Variants in DCAF1 observed in about 807,000 individuals in gnomAD.
DCAF1 encodes DDB1- and CUL4-associated factor 1.
DCAF1 carries 15 observed loss-of-function variants against 128.0 expected under a neutral mutation model. The observed-to-expected ratio is 0.12, with a 90% CI of 0.08 to 0.18. DCAF1 has a LOEUF of 0.18. DCAF1 is among the 10% of genes least tolerant of loss of function. The pLI is 1.00. For missense variants in DCAF1, 988 were observed against 1,649.5 expected, an observed-to-expected ratio of 0.60 and a Z score of 6.95; for synonymous variants, 610 against 603.0, an observed-to-expected ratio of 1.01 and a Z score of -0.17.
chr3:51,440,887 C>CA, intron 9 of DCAF1, 83 bp downstream of exon 9: 1 of 1,181,766 alleles, frequency 8.5e-7, no homozygotes, highest in Non-Finnish European at 1.2e-6. Flanking sequence ...GCCTGGGCGA[C>CA]AGAGTGAGAC....
the DCAF1 span, among the ~76,000 whole-genome samples, chr3:51,505,157 A>G: frequency 6.6e-6 from 1 of 151,844 alleles, no homozygotes; most frequent in South Asian, 2.1e-4. Flanking sequence ...CCAGCTACTC[A>G]GGAGCCTGAG....
At chr3:51,407,139 A>G (rs2090177662) in intron 23 of DCAF1, among the ~76,000 whole-genome samples, 2 of 144,254 alleles carry the variant, frequency 1.4e-5, no homozygotes, top group Admixed American at 1.4e-4. Context: ...CCTGGGCGAG[A>G]CAGAGTGAGA....
At chr3:51,497,535 C>T (rs1708361182) in intron 1 of DCAF1, among the ~76,000 whole-genome samples, 2 of 149,538 alleles carry the variant, frequency 1.3e-5, no homozygotes, top group Admixed American at 1.3e-4. Flanking sequence ...TGCAGTGAGC[C>T]GAGATTGCAC....
intron 4 of DCAF1, 51 bp from the exon 5 acceptor site, chr3:51,466,927 A>G: frequency 6.3e-7 from 1 of 1,578,098 alleles, no homozygotes; most frequent in Non-Finnish European, 8.7e-7. Flanking sequence ...AAGTCATCCC[A>G]GTCAAGCAAC....
chr3:51,404,894 A>C (rs1049858836), intron 23 of DCAF1, among the ~76,000 whole-genome samples: 4 of 152,186 alleles, frequency 2.6e-5, no homozygotes. Context: ...TCTGGAGTCA[A>C]CAATGATAAA....
At chr3:51,469,823 C>T (rs896094600) in intron 4 of DCAF1, among the ~76,000 whole-genome samples, 3 of 151,760 alleles carry the variant, frequency 2.0e-5, no homozygotes, top group Non-Finnish European at 2.9e-5. Context: ...GAGTTCAAGA[C>T]CAGCTTGGCC....
In DCAF1 at chr3:51,485,960, C is replaced by T. The variant is rs147470716; in HGVS notation, c.-8-2124G>A. On this transcript the variant is annotated intron_variant, in intron 2 of 24. Transcript: ENST00000684031. ...AGGCTGGAGCGCAGTGGCGCCATCT[C>T]GGCTCACTGTAACGTCTACCTGCTG... 1.5e-4 allele frequency among the ~76,000 whole-genome samples: 23 copies of T among 150,944 alleles called. 1 individual carries two copies. In the East Asian group the frequency reaches 3.7e-3, roughly 24 times the overall value.
At chr3:51,414,480 C>T in intron 19 of DCAF1, 144 bp downstream of exon 19, 1 of 1,240,172 alleles carries the variant, frequency 8.1e-7, no homozygotes, top group South Asian at 1.6e-5. Context: ...GGAGATTTCA[C>T]TAACATTTCA....
At chr3:51,473,505 AAAAC>A (rs1553649281) in intron 3 of DCAF1, among the ~76,000 whole-genome samples, 120 of 149,188 alleles carry the variant, frequency 8.0e-4, no homozygotes, top group African/African-American at 2.3e-3. Flanking sequence ...AAAAAAACAA[AAAAC>A]AAAACACCAA....
At chr3:51,449,503 G>A (rs182078811) in intron 6 of DCAF1, among the ~76,000 whole-genome samples, 18 of 152,216 alleles carry the variant, frequency 1.2e-4, no homozygotes, top group East Asian at 3.9e-4. Context: ...CACTGTGCCC[G>A]GCCAGAATGA....
At chr3:51,470,881 G>A in intron 4 of DCAF1, 48 bp downstream of exon 4, 1 of 1,355,800 alleles carries the variant, frequency 7.4e-7, no homozygotes, top group East Asian at 2.3e-5. Flanking sequence ...TAATAAAAGT[G>A]TCTTAAAAGA....
intron 4 of DCAF1, among the ~76,000 whole-genome samples, chr3:51,468,556 T>C (rs1553647303): frequency 6.6e-6 from 1 of 152,178 alleles, no homozygotes; most frequent in Admixed American, 6.6e-5. Context: ...AGTCAAAACA[T>C]ACAATAGAGA....
chr3:51,482,532 A>C (rs1706333103), intron 3 of DCAF1, among the ~76,000 whole-genome samples: 1 of 151,792 alleles, frequency 6.6e-6, no homozygotes, highest in Non-Finnish European at 1.5e-5. Flanking sequence ...TGGGAGGCCA[A>C]GGCAGGTGAA....
intron 3 of DCAF1, among the ~76,000 whole-genome samples, chr3:51,478,300 A>G (rs1387758041): frequency 6.6e-6 from 1 of 152,102 alleles, no homozygotes; most frequent in Non-Finnish European, 1.5e-5. Flanking sequence ...CCACCATGCC[A>G]GGCCTCCGTT....
intron 6 of DCAF1, among the ~76,000 whole-genome samples, chr3:51,461,837 T>TC (rs1357354812): frequency 6.6e-6 from 1 of 151,988 alleles, no homozygotes; most frequent in Admixed American, 6.6e-5. Context: ...CCGCATGTTC[T>TC]CACTCATAGG....
rs139974391 is a variant in DCAF1 at position 51,451,291 on chromosome 3, G to T, written c.376-7388C>A. Reference sequence around the variant, plus strand: ...TTTACAGATGGGGTCTCACCATGTTGCCCAGCCTGCAGCCAAATAATTTTA... The same window carrying T: ...TTTACAGATGGGGTCTCACCATGTTTCCCAGCCTGCAGCCAAATAATTTTA... On this transcript the variant is annotated intron_variant, in intron 6 of 24. Coordinates refer to ENST00000684031, the MANE Select transcript of DCAF1 (RefSeq NM_001387579.1). Among the ~76,000 whole-genome samples the T allele has an allele frequency of 1.1e-3, 161 of 150,564 alleles. 1 individual carries two copies. Among genetic ancestry groups the T allele is most frequent in the Middle Eastern group, 6.9e-3 (2 of 288 alleles).
chr3:51,418,253 C>A lies in DCAF1; in HGVS notation c.3436-55G>T. On this transcript the variant is annotated intron_variant, in intron 16 of 24. Coordinates refer to ENST00000684031, the MANE Select transcript of DCAF1 (RefSeq NM_001387579.1). ...CACGTATTTACATACATGCAGATGT[C>A]ACTACCTGCCATTAGCATTTTTAAA... is the stretch of plus-strand genomic sequence containing the variant. 5 of 1,538,060 alleles carry A rather than the reference C, an allele frequency of 3.3e-6. No homozygotes were observed. The South Asian group carries it at 3.7e-5, about 11-fold the overall frequency.
intron 6 of DCAF1, among the ~76,000 whole-genome samples, chr3:51,446,963 A>AAAAAATAATAAT (rs377427485): frequency 3.7e-5 from 5 of 136,968 alleles, no homozygotes; most frequent in South Asian, 2.3e-4. Context: ...TTTGTCTCAA[A>AAAAAATAATAAT]AATAATAATA....
chr3:51,461,431 C>T (rs576440863), intron 6 of DCAF1, among the ~76,000 whole-genome samples: 124 of 152,106 alleles, frequency 8.2e-4, no homozygotes, highest in Middle Eastern at 3.4e-3. Context: ...GGAGAGGATG[C>T]GGAGAAATAG....
Sources: allele counts gnomAD v4.1 joint callset (sites outside exome capture counted in the v4.1 genomes callset), GRCh38; gene constraint gnomAD v4.1.1; transcripts MANE v1.5; gene names NCBI Gene and HGNC (gene_info 2026-07-23, HGNC 2026-07-21).